WDR44: variants seen among roughly 807,000 people sequenced by gnomAD.
WDR44 encodes the protein WD repeat domain 44, also known as WD repeat-containing protein 44.
In WDR44, 9 loss-of-function variants were observed where a neutral mutation model predicts 65.7. The observed-to-expected ratio is 0.14, with a 90% CI of 0.08 to 0.24. The LOEUF is 0.24. WDR44 is among the 10% of genes least tolerant of loss of function. WDR44 has a pLI of 1.00. For synonymous variants in WDR44, 220 were observed against 235.2 expected, an observed-to-expected ratio of 0.94 and a Z score of 0.59; for missense variants, 425 against 670.9, an observed-to-expected ratio of 0.63 and a Z score of 4.05.
intron 12 of WDR44, among the ~76,000 whole-genome samples, chrX:118,425,918 C>CA (rs1176210684): frequency 9.4e-6 from 1 of 106,910 alleles, no homozygotes; most frequent in African/African-American, 3.4e-5. Context: ...ACTAAAAATA[C>CA]AAAAAAATTA....
chrX:118,413,682 T>C (rs2057030446), intron 12 of WDR44, among the ~76,000 whole-genome samples: 2 of 112,328 alleles, frequency 1.8e-5, no homozygotes, highest in South Asian at 7.3e-4. Flanking sequence ...CAAAAGCTCG[T>C]TAGTGTAATT....
intron 13 of WDR44, among the ~76,000 whole-genome samples, chrX:118,434,799 C>G (rs2057240657): frequency 8.9e-6 from 1 of 112,220 alleles, no homozygotes; most frequent in South Asian, 3.6e-4. Context: ...AACACCAACT[C>G]AAACCAGATA....
At chrX:118,444,516 A>G (rs2057329689) in intron 19 of WDR44, 22 bp downstream of exon 19, 9 of 1,202,049 alleles carry the variant, frequency 7.5e-6, no homozygotes, top group Non-Finnish European at 7.9e-6. Flanking sequence ...CTTGTCCTAT[A>G]TTTTTTTCTA....
intron 1 of WDR44, among the ~76,000 whole-genome samples, chrX:118,369,631 A>AAG (rs2056594591): frequency 9.8e-6 from 1 of 101,633 alleles, no homozygotes; most frequent in African/African-American, 3.6e-5. Context: ...ACCACGCCTG[A>AAG]CTAATTTTTT....
At chrX:118,374,243 T>C (rs73599033) in intron 1 of WDR44, among the ~76,000 whole-genome samples, 1,157 of 111,804 alleles carry the variant, frequency 0.01, 19 homozygotes, top group African/African-American at 0.036. Context: ...TAATACTAAA[T>C]AATGTTTTTT....
At chrX:118,429,803 C>T (rs1348539160) in intron 12 of WDR44, among the ~76,000 whole-genome samples, 4 of 110,183 alleles carry the variant, frequency 3.6e-5, no homozygotes, top group Non-Finnish European at 5.7e-5. Context: ...GCACCACGCC[C>T]GGCTAATTTT....
intron 1 of WDR44, among the ~76,000 whole-genome samples, chrX:118,352,331 TATATATATA>T (rs2056414587): frequency 6.4e-5 from 1 of 15,705 alleles, no homozygotes; most frequent in Non-Finnish European, 8.9e-5. Context: ...TATATATATA[TATATATATA>T]TATATATATA....
intron 12 of WDR44, among the ~76,000 whole-genome samples, chrX:118,426,940 T>C (rs2057162163): frequency 1.8e-5 from 2 of 111,332 alleles, no homozygotes; most frequent in South Asian, 7.4e-4. Context: ...AGTTGGAAAA[T>C]AAAAACTGGT....
At chrX:118,349,650 C>T (rs1290419345) in intron 1 of WDR44, among the ~76,000 whole-genome samples, 4 of 110,398 alleles carry the variant, frequency 3.6e-5, no homozygotes, top group Admixed American at 9.6e-5. Flanking sequence ...CTTCGCCTCC[C>T]GGGTTCAAGA....
At chrX:118,395,796 G>T (rs2056860551) in intron 6 of WDR44, among the ~76,000 whole-genome samples, 1 of 111,504 alleles carries the variant, frequency 9.0e-6, no homozygotes, top group African/African-American at 3.3e-5. Flanking sequence ...GCCAAGGTGG[G>T]CAGGTCACTT....
In WDR44 at chrX:118,381,561, C is replaced by CT. The variant is rs1219628265; in HGVS notation, c.111+3112dup. ...CTTTTCCTTGCTTTTCTTTTCTTTT[C>CT]TTTCGTTCTTTCTTCTTTTTTTTTT... On this transcript the variant is annotated intron_variant, in intron 2 of 19. Coordinates refer to ENST00000254029, the MANE Select transcript of WDR44 (RefSeq NM_019045.5). 1.4e-4 allele frequency among the ~76,000 whole-genome samples: 14 copies of CT among 97,473 alleles called. No individual in the cohort carries two copies. In the East Asian group the frequency reaches 3.1e-3, roughly 21 times the overall value. 84.6% of individuals were successfully genotyped at this position (97,473 alleles called of 115,157 possible).
rs767638132 is a variant in WDR44 at position 118,398,481 on chromosome X, G to A, written c.1274+11G>A. 19 of 1,165,265 alleles carry A rather than the reference G, an allele frequency of 1.6e-5. No homozygotes were observed. Among genetic ancestry groups the A allele is most frequent in the Middle Eastern group, 4.7e-4 (2 of 4,229 alleles). ...GTTAAAACAGAAAACGTGAGTTACA[G>A]TACATCCCTTTTCTTCATTTCAAGT... On this transcript the variant is annotated intron_variant, in intron 8 of 19. Coordinates refer to ENST00000254029, the MANE Select transcript of WDR44 (RefSeq NM_019045.5).
chrX:118,445,988 C>G (rs1265868561), intron 19 of WDR44, among the ~76,000 whole-genome samples: 1 of 104,437 alleles, frequency 9.6e-6, no homozygotes. Context: ...CGAGATCACG[C>G]CACTGCACTC....
chrX:118,394,972 G>A (rs912849038), intron 5 of WDR44, among the ~76,000 whole-genome samples: 8 of 111,933 alleles, frequency 7.1e-5, no homozygotes, highest in Non-Finnish European at 1.5e-4. Flanking sequence ...ATTAATAGCA[G>A]TCTTAGTAGA....
At chrX:118,426,712 A>T (rs2057159783) in intron 12 of WDR44, among the ~76,000 whole-genome samples, 1 of 111,386 alleles carries the variant, frequency 9.0e-6, no homozygotes, top group South Asian at 3.7e-4. Context: ...TCTCAAAAAA[A>T]AAAAGAAAGA....
At chrX:118,370,988 A>G (rs1028431616) in intron 1 of WDR44, among the ~76,000 whole-genome samples, 2 of 110,959 alleles carry the variant, frequency 1.8e-5, no homozygotes, top group African/African-American at 6.6e-5. Flanking sequence ...TAATACCCAC[A>G]GTATGTAAGG....
Position 118,406,960 on chromosome X carries a change from C to T in WDR44, c.1467C>T (p.His489=), listed in dbSNP as rs1393631522. Reference sequence around the variant, plus strand: ...GACCAGTTAAATTCAAAGCAGCACACGGTTTCAAAGGACCTTATGATTTTG... The same window carrying T: ...GACCAGTTAAATTCAAAGCAGCACATGGTTTCAAAGGACCTTATGATTTTG... ...YTRPVKFKAA[H]GFKGPYDFDQ... The change falls in exon 10 of 20, where the codon CAC becomes CAT. Residue 489 remains histidine, a synonymous_variant. Transcript: ENST00000254029. 6 of 1,210,851 alleles carry T rather than the reference C, an allele frequency of 5.0e-6. No homozygotes were observed. Among genetic ancestry groups the T allele is most frequent in the East Asian group, 3.0e-5 (1 of 33,814 alleles).
intron 13 of WDR44, among the ~76,000 whole-genome samples, chrX:118,434,821 T>C (rs889172889): frequency 4.5e-5 from 5 of 112,358 alleles, no homozygotes; most frequent in African/African-American, 1.6e-4. Context: ...TGTTTCTCTT[T>C]AATGTCTATC....
chrX:118,393,353 C>A (rs1003832472), intron 4 of WDR44, 82 bp downstream of exon 4: 4 of 1,043,303 alleles, frequency 3.8e-6, no homozygotes, highest in Non-Finnish European at 1.3e-6. Flanking sequence ...GAGGCCAAGG[C>A]GGGCGGATCG....
Sources: allele counts gnomAD v4.1 joint callset (sites outside exome capture counted in the v4.1 genomes callset), GRCh38; gene constraint gnomAD v4.1.1; transcripts MANE v1.5; gene names NCBI Gene and HGNC (gene_info 2026-07-23, HGNC 2026-07-21).